PTK2: variants seen among roughly 807,000 people sequenced by gnomAD.
PTK2 encodes the protein focal adhesion kinase 1.
A neutral mutation model predicts 150.1 loss-of-function variants in PTK2; 45 were observed. That is an observed-to-expected ratio of 0.30 (90% CI 0.24 to 0.38). PTK2 has a LOEUF of 0.38. Among genes scored for constraint, PTK2 ranks in the 10% least tolerant of loss-of-function variants. The pLI is 1.00. For missense variants in PTK2, 919 were observed against 1,307.3 expected (o/e 0.70, Z 4.58); for synonymous variants, 432 against 449.2 (o/e 0.96, Z 0.48).
intron 26 of PTK2, among the ~76,000 whole-genome samples, chr8:140,696,182 AG>A (rs1391124896): frequency 6.6e-5 from 10 of 152,180 alleles, no homozygotes; most frequent in Non-Finnish European, 1.3e-4. Flanking sequence ...TGCTGAATAA[AG>A]AAAGTTCCCA....
intron 5 of PTK2, among the ~76,000 whole-genome samples, chr8:140,858,554 A>G (rs2100134212): frequency 6.6e-6 from 1 of 152,166 alleles, no homozygotes; most frequent in Admixed American, 6.5e-5. Flanking sequence ...ACCTACACAG[A>G]AAGAAAAAAT....
chr8:140,846,570 A>G, intron 6 of PTK2, 29 bp downstream of exon 6: 4 of 1,502,028 alleles, frequency 2.7e-6, no homozygotes, highest in Non-Finnish European at 3.7e-6. Context: ...TTGATAAATA[A>G]AGGCCGCAAT....
In PTK2 at chr8:140,674,266, G is replaced by C. The variant is rs140531750; in HGVS notation, c.2709+32C>G. On this transcript the variant is annotated intron_variant, in intron 29 of 31. Transcript: ENST00000522684. ...CTAGGGGACACCACAAATCCTGCAA[G>C]CAGAAGGTGCTGCACAGGCTCAGAT... The C allele has an allele frequency of 2.6e-5, 41 of 1,556,378 alleles. No individual in the cohort carries two copies. In the East Asian group the frequency reaches 9.3e-4, roughly 35 times the overall value.
Position 140,971,069 on chromosome 8 carries a change from T to C in PTK2, c.-122+30056A>G, listed in dbSNP as rs577082159. On this transcript the variant is annotated intron_variant, in intron 1 of 31. Transcript: ENST00000522684. ...CTCAACTGTTTATTCAAGGAGTCAA[T>C]GCCAACCTTGAAGTAACTAAAAAAT... Among the ~76,000 whole-genome samples the C allele has an allele frequency of 1.1e-4, 17 of 152,326 alleles. No homozygotes were observed. In the Middle Eastern group the frequency reaches 0.01, roughly 91 times the overall value.
intron 11 of PTK2, among the ~76,000 whole-genome samples, chr8:140,803,057 C>G (rs1407625048): frequency 2.1e-5 from 3 of 141,140 alleles, no homozygotes; most frequent in South Asian, 2.3e-4. Flanking sequence ...CTCTGTCACC[C>G]AGGCTGGAGT....
chr8:140,981,148 T>C (rs937841703), intron 1 of PTK2, among the ~76,000 whole-genome samples: 2 of 148,666 alleles, frequency 1.3e-5, no homozygotes, highest in Non-Finnish European at 3.0e-5. Flanking sequence ...TATCATTCAA[T>C]GACCACTGTT....
chr8:140,801,053 T>C (rs908811145), intron 11 of PTK2, among the ~76,000 whole-genome samples: 2 of 152,256 alleles, frequency 1.3e-5, no homozygotes, highest in Non-Finnish European at 2.9e-5. Context: ...TTAGAAATCA[T>C]TCTCTTTCCA....
intron 14 of PTK2, among the ~76,000 whole-genome samples, chr8:140,773,473 G>T (rs934756009): frequency 6.6e-6 from 1 of 152,190 alleles, no homozygotes; most frequent in Non-Finnish European, 1.5e-5. Context: ...TTTTAAATAT[G>T]GTGATTATGG....
chr8:140,972,826 A>G (rs2100187817), intron 1 of PTK2, among the ~76,000 whole-genome samples: 1 of 150,792 alleles, frequency 6.6e-6, no homozygotes, highest in African/African-American at 2.4e-5. Context: ...CTTTTAAACT[A>G]AGTCTGCCAT....
At chr8:140,705,032 A>C (rs2100032887) in intron 24 of PTK2, among the ~76,000 whole-genome samples, 1 of 152,144 alleles carries the variant, frequency 6.6e-6, no homozygotes, top group Non-Finnish European at 1.5e-5. Context: ...CACAGGTCTG[A>C]GTCATCTGCC....
At chr8:140,660,972 T>A (rs1170781068) in intron 31 of PTK2, among the ~76,000 whole-genome samples, 2 of 152,154 alleles carry the variant, frequency 1.3e-5, no homozygotes, top group Non-Finnish European at 2.9e-5. Context: ...CAGTCTACAA[T>A]GGGAAAAGCA....
In PTK2 at chr8:140,702,222, C is replaced by CTTT. The variant is rs57156667; in HGVS notation, c.2367+345_2367+347dup. 3.7e-3 allele frequency among the ~76,000 whole-genome samples: 456 copies of CTTT among 123,744 alleles called. 9 individuals carry two copies. Among genetic ancestry groups the CTTT allele is most frequent in the African/African-American group, 0.013 (420 of 32,956 alleles). The allele number at this position is 123,744 out of a possible 152,430, so 81.2% of individuals were successfully genotyped here. A position where few individuals can be genotyped will look rare whatever the true frequency, so the allele number is the denominator to read the frequency against. On this transcript the variant is annotated intron_variant, in intron 25 of 31. Coordinates refer to ENST00000522684, the Ensembl canonical transcript of PTK2. ...CCTTAGGCCATGCTTTATTTATTAC[C>CTTT]TTTTTTTTTTTTTTTGAGACAAGCT... is the stretch of plus-strand genomic sequence containing the variant.
intron 5 of PTK2, among the ~76,000 whole-genome samples, chr8:140,862,237 G>C (rs2100136619): frequency 6.6e-6 from 1 of 152,064 alleles, no homozygotes; most frequent in Non-Finnish European, 1.5e-5. Context: ...TCGGTGGGTA[G>C]AATTTTTTTT....
intron 1 of PTK2, among the ~76,000 whole-genome samples, chr8:140,981,341 T>A (rs11167015): frequency 0.47 from 70,566 of 151,746 alleles, 17,138 homozygotes; most frequent in Non-Finnish European, 0.55. Flanking sequence ...GAGAGGTGAC[T>A]TAAGGCTTCA....
chr8:140,662,534 AG>A (rs1487344795), intron 31 of PTK2: 6 of 400,806 alleles, frequency 1.5e-5, no homozygotes, highest in African/African-American at 2.1e-5. Context: ...CCGGTGAAGC[AG>A]GTAAGTGAGA....
At chr8:140,811,529 C>T (rs10091771) in intron 10 of PTK2, among the ~76,000 whole-genome samples, 3,686 of 152,276 alleles carry the variant, frequency 0.024, 157 homozygotes, top group African/African-American at 0.085. Context: ...TAAATGACCG[C>T]ACCACCTCTC....
chr8:140,676,765 T>TAAAAAGAAAAAAAA (rs2100014050), intron 27 of PTK2, among the ~76,000 whole-genome samples: 10 of 55,572 alleles, frequency 1.8e-4, no homozygotes, highest in African/African-American at 7.7e-4. Flanking sequence ...GTCTCTACTT[T>TAAAAAGAAAAAAAA]AAAAAAAAAA....
rs1369121053 is a variant in PTK2, at chr8:140,882,178, G to A, written c.196-2541C>T. Among the ~76,000 whole-genome samples the A allele has an allele frequency of 7.2e-5, 11 of 152,246 alleles. No homozygotes were observed. The East Asian group carries it at 2.1e-3, about 29-fold the overall frequency. On this transcript the variant is annotated intron_variant, in intron 3 of 31. Coordinates refer to ENST00000522684, the Ensembl canonical transcript of PTK2. Reference sequence around the variant, plus strand: ...GGCAAACATTATAAATATACAAAGTGCTTAAATATGTGGTGCTAAATGCAT... The same window carrying A: ...GGCAAACATTATAAATATACAAAGTACTTAAATATGTGGTGCTAAATGCAT...
intron 2 of PTK2, among the ~76,000 whole-genome samples, chr8:140,905,024 G>A (rs1005888402): frequency 6.6e-6 from 1 of 151,916 alleles, no homozygotes; most frequent in Non-Finnish European, 1.5e-5. Flanking sequence ...GTTATTTCTT[G>A]TCTTCTGCTA....
Sources: gnomAD v4.1 joint callset for allele counts (sites outside exome capture counted in the v4.1 genomes callset) on GRCh38, gnomAD v4.1.1 for gene constraint, MANE v1.5 for transcripts, NCBI Gene and HGNC (gene_info 2026-07-23, HGNC 2026-07-21) for gene names.